Variants in NHEJ1 observed in about 807,000 individuals in gnomAD.
NHEJ1 encodes the protein non-homologous end joining factor 1.
In NHEJ1, 22 loss-of-function variants were observed where a neutral mutation model predicts 39.4. That is an observed-to-expected ratio of 0.56 (90% CI 0.40 to 0.80). The LOEUF (loss-of-function observed/expected upper bound fraction) is 0.80, where lower values mean the gene tolerates loss of function less well. Among genes scored for constraint, NHEJ1 ranks in the 30% least tolerant of loss-of-function variants. The pLI is 0.00. For missense variants in NHEJ1, 329 were observed against 357.1 expected (o/e 0.92, Z 0.63); for synonymous variants, 154 against 135.6 (o/e 1.14, Z -0.94).
At chr2:219,132,814 C>T (rs138104976) in intron 5 of NHEJ1, among the ~76,000 whole-genome samples, 2 of 152,270 alleles carry the variant, frequency 1.3e-5, no homozygotes, top group African/African-American at 4.8e-5. Context: ...TTTCTTCCTC[C>T]TCTCAGGTAC....
chr2:219,139,692 T>G (rs929225598), intron 5 of NHEJ1, among the ~76,000 whole-genome samples: 3 of 152,196 alleles, frequency 2.0e-5, no homozygotes, highest in African/African-American at 4.8e-5. Context: ...GTTTTTGTTT[T>G]CTGAGACAGA....
intron 5 of NHEJ1, among the ~76,000 whole-genome samples, chr2:219,132,191 T>C (rs1167436209): frequency 6.6e-6 from 1 of 152,266 alleles, no homozygotes. Context: ...TGTAATCTAG[T>C]TTCATGAGCA....
At chr2:219,097,528 CTCCTA>C (rs1949219880) in intron 5 of NHEJ1, among the ~76,000 whole-genome samples, 1 of 152,174 alleles carries the variant, frequency 6.6e-6, no homozygotes, top group Admixed American at 6.5e-5. Flanking sequence ...TCAAGAGATC[CTCCTA>C]TCTTGGCCTT....
intron 5 of NHEJ1, among the ~76,000 whole-genome samples, chr2:219,131,530 G>T (rs969564871): frequency 3.3e-5 from 5 of 152,080 alleles, no homozygotes; most frequent in Admixed American, 6.5e-5. Flanking sequence ...AGCTTCAGGG[G>T]GTAGTTTACA....
intron 5 of NHEJ1, among the ~76,000 whole-genome samples, chr2:219,078,572 T>C (rs1425400485): frequency 6.6e-6 from 1 of 152,198 alleles, no homozygotes; most frequent in Non-Finnish European, 1.5e-5. Flanking sequence ...TTTCATTAAA[T>C]TCATTCATAA....
chr2:219,135,470 G>A (rs890511082), intron 5 of NHEJ1, among the ~76,000 whole-genome samples: 6 of 152,094 alleles, frequency 3.9e-5, no homozygotes, highest in African/African-American at 1.2e-4. Flanking sequence ...TTAGCCAGGC[G>A]TGGTGGCAGG....
At chr2:219,129,911 A>C (rs1381430711) in intron 5 of NHEJ1, among the ~76,000 whole-genome samples, 1 of 151,526 alleles carries the variant, frequency 6.6e-6, no homozygotes, top group African/African-American at 2.4e-5. Flanking sequence ...TTTACTGCCG[A>C]GGTTTCTCTC....
At chr2:219,147,569 T>A in intron 4 of NHEJ1, 88 bp downstream of exon 4, 1 of 1,550,852 alleles carries the variant, frequency 6.4e-7, no homozygotes, top group Non-Finnish European at 8.9e-7. Flanking sequence ...GAGGCACTTC[T>A]CTAATGCAAA....
intron 5 of NHEJ1, among the ~76,000 whole-genome samples, chr2:219,082,248 A>T (rs1949074071): frequency 6.6e-6 from 1 of 152,234 alleles, no homozygotes; most frequent in African/African-American, 2.4e-5. Context: ...CCTGGTATAC[A>T]GCCATATCAG....
intron 5 of NHEJ1, among the ~76,000 whole-genome samples, chr2:219,116,323 T>A (rs186370660): frequency 6.6e-6 from 1 of 152,246 alleles, no homozygotes; most frequent in Admixed American, 6.5e-5. Context: ...CCAAGTAAGG[T>A]TTACACATTG....
intron 5 of NHEJ1, among the ~76,000 whole-genome samples, chr2:219,113,629 A>G (rs779336554): frequency 6.6e-6 from 1 of 152,150 alleles, no homozygotes; most frequent in South Asian, 2.1e-4. Context: ...CATAGAAAAG[A>G]GCCCTTACCT....
chr2:219,084,109 C>T (rs748210538), intron 5 of NHEJ1, among the ~76,000 whole-genome samples: 6 of 151,106 alleles, frequency 4.0e-5, no homozygotes, highest in Non-Finnish European at 8.8e-5. Flanking sequence ...CAGGTTCAAG[C>T]GATTCTCCTG....
chr2:219,082,506 C>T (rs564732046), intron 5 of NHEJ1, among the ~76,000 whole-genome samples: 1 of 152,208 alleles, frequency 6.6e-6, no homozygotes, highest in South Asian at 2.1e-4. Context: ...CCCTGCCTCA[C>T]CCCTCCTTTC....
chr2:219,147,286 C>T (rs1949750084), intron 4 of NHEJ1, among the ~76,000 whole-genome samples: 1 of 152,140 alleles, frequency 6.6e-6, no homozygotes, highest in Non-Finnish European at 1.5e-5. Flanking sequence ...TCGAGACCAG[C>T]CTGACCAACA....
In NHEJ1 at chr2:219,071,983, A is replaced by G. The variant is rs1948961304; in HGVS notation, c.*4398T>C. Among the ~76,000 whole-genome samples, 1 of 152,230 alleles carries G rather than the reference A, an allele frequency of 6.6e-6. No homozygotes were observed. The highest frequency in any genetic ancestry group is 6.5e-5 in the Admixed American group (1 of 15,290). On this transcript the variant is annotated 3_prime_UTR_variant, in exon 8 of 8. Transcript: ENST00000356853. ...TGCTAGGATAGAGAACTGAGAGCCCAGAGCTGAGAGGATACATAAAAGGCC... is the reference window on the plus strand; with the variant it reads ...TGCTAGGATAGAGAACTGAGAGCCCGGAGCTGAGAGGATACATAAAAGGCC...
intron 5 of NHEJ1, among the ~76,000 whole-genome samples, chr2:219,106,338 TA>T (rs1164359923): frequency 1.3e-5 from 2 of 152,076 alleles, no homozygotes; most frequent in Admixed American, 6.5e-5. Context: ...AAGGAGCGAT[TA>T]GGGGCTCAAG....
chr2:219,113,650 T>C (rs1949385491), intron 5 of NHEJ1, among the ~76,000 whole-genome samples: 1 of 152,140 alleles, frequency 6.6e-6, no homozygotes, highest in African/African-American at 2.4e-5. Flanking sequence ...CAGTCCACTC[T>C]CATTTTTCTC....
chr2:219,140,811 A>G (rs1344184930), intron 5 of NHEJ1, among the ~76,000 whole-genome samples: 2 of 152,240 alleles, frequency 1.3e-5, no homozygotes, highest in Non-Finnish European at 2.9e-5. Context: ...AGATTCATCC[A>G]CAAGGTGGTA....
intron 5 of NHEJ1, among the ~76,000 whole-genome samples, chr2:219,080,303 G>C (rs944163573): frequency 6.6e-6 from 1 of 152,054 alleles, no homozygotes; most frequent in African/African-American, 2.4e-5. Context: ...TTGGGAGGCC[G>C]AGGCGGGCGG....
Sources: allele counts gnomAD v4.1 joint callset (sites outside exome capture counted in the v4.1 genomes callset), GRCh38; gene constraint gnomAD v4.1.1; transcripts MANE v1.5; gene names NCBI Gene and HGNC (gene_info 2026-07-23, HGNC 2026-07-21).